The following DCC variants were observed in gnomAD, a reference collection of about 807,000 sequenced individuals.
DCC encodes the protein DCC netrin 1 receptor.
In DCC, 58 loss-of-function variants were observed where a neutral mutation model predicts 172.5. The ratio of observed to expected loss-of-function variants is 0.34; its 90% CI spans 0.27 to 0.42. The LOEUF is 0.42. Among genes scored for constraint, DCC ranks in the 10% least tolerant of loss-of-function variants. The pLI is 1.00. For synonymous variants in DCC, 709 were observed against 644.5 expected (o/e 1.10, Z -1.52); for missense variants, 1,740 against 1,791.0 (o/e 0.97, Z 0.51).
At chr18:52,864,366 C>T (rs1222469700) in intron 2 of DCC, among the ~76,000 whole-genome samples, 2 of 152,120 alleles carry the variant, frequency 1.3e-5, no homozygotes, top group African/African-American at 2.4e-5. Flanking sequence ...AAGAATTTAT[C>T]ACAGTATTTT....
chr18:52,894,373 G>A (rs549727034), intron 2 of DCC, among the ~76,000 whole-genome samples: 1 of 148,956 alleles, frequency 6.7e-6, no homozygotes, highest in Admixed American at 6.9e-5. Context: ...GACTGACTCT[G>A]GATTCCCCAG....
chr18:53,017,172 T>C (rs1379237331), intron 5 of DCC, among the ~76,000 whole-genome samples: 2 of 150,714 alleles, frequency 1.3e-5, no homozygotes, highest in African/African-American at 4.9e-5. Flanking sequence ...GCCTCCCGGG[T>C]TCACGCCATT....
intron 15 of DCC, among the ~76,000 whole-genome samples, chr18:53,380,890 CT>C (rs1907677361): frequency 6.6e-6 from 1 of 152,136 alleles, no homozygotes; most frequent in Non-Finnish European, 1.5e-5. Flanking sequence ...TAAGGTTGAT[CT>C]TCTCTAAGAT....
At chr18:53,338,272 C>A (rs1015573196) in intron 14 of DCC, among the ~76,000 whole-genome samples, 1 of 152,132 alleles carries the variant, frequency 6.6e-6, no homozygotes, top group African/African-American at 2.4e-5. Flanking sequence ...TTACAGGCAC[C>A]TAGGCTCACA....
intron 11 of DCC, among the ~76,000 whole-genome samples, chr18:53,211,710 C>T (rs574550127): frequency 2.2e-4 from 34 of 151,378 alleles, no homozygotes; most frequent in Non-Finnish European, 4.9e-4. Context: ...GGTGACAGAG[C>T]GAGACTCTGT....
chr18:52,508,344 C>T (rs2031313115), intron 1 of DCC, among the ~76,000 whole-genome samples: 2 of 152,014 alleles, frequency 1.3e-5, no homozygotes, highest in Admixed American at 6.6e-5. Context: ...ACAAACATAC[C>T]TAATTCTCCA....
intron 2 of DCC, among the ~76,000 whole-genome samples, 169 bp downstream of exon 2, chr18:52,752,543 A>T (rs2037014695): frequency 6.6e-6 from 1 of 152,184 alleles, no homozygotes; most frequent in Non-Finnish European, 1.5e-5. Context: ...TCATGTTTTG[A>T]TGTATGTATA....
chr18:52,647,877 G>A (rs941746729), intron 1 of DCC, among the ~76,000 whole-genome samples: 7 of 152,148 alleles, frequency 4.6e-5, no homozygotes, highest in South Asian at 4.1e-4. Flanking sequence ...GCTGGGAAAA[G>A]GGGGAACACG....
chr18:53,369,745 C>T (rs6508231), intron 15 of DCC, among the ~76,000 whole-genome samples: 71,874 of 151,618 alleles, frequency 0.47, 17,728 homozygotes, highest in Non-Finnish European at 0.54. Context: ...TTTTTCTTCA[C>T]TTTATTAGTC....
intron 1 of DCC, among the ~76,000 whole-genome samples, chr18:52,496,536 A>G (rs532226704): frequency 6.6e-6 from 1 of 152,232 alleles, no homozygotes; most frequent in East Asian, 1.9e-4. Context: ...TTAAACCTAG[A>G]CAGTTGCACA....
chr18:53,287,656 A>G (rs904453691), intron 12 of DCC, among the ~76,000 whole-genome samples: 2 of 152,130 alleles, frequency 1.3e-5, no homozygotes, highest in African/African-American at 4.8e-5. Context: ...TTTTTTTCAC[A>G]TCCTTGCCAA....
At chr18:52,833,697 T>G (rs1290785169) in intron 2 of DCC, among the ~76,000 whole-genome samples, 1 of 152,162 alleles carries the variant, frequency 6.6e-6, no homozygotes, top group Non-Finnish European at 1.5e-5. Context: ...GAAATGGACT[T>G]CAAACTGTTT....
At position 53,416,236 on chromosome 18, in the gene DCC, C is replaced by G. The variant is rs1040049218; in HGVS notation, c.3163+80C>G. ...ACATGTCAGTCATTACTTTATATTC[C>G]TCTTTTCACCTGGACCATACACCTG... is the stretch of plus-strand genomic sequence containing the variant. On this transcript the variant is annotated intron_variant, in intron 21 of 28. Transcript: ENST00000442544. 7 of 962,916 alleles carry G rather than the reference C, an allele frequency of 7.3e-6. 1 individual carries two copies. Among genetic ancestry groups the G allele is most frequent in the East Asian group, 2.4e-5 (1 of 41,258 alleles). The allele number at this position is 962,916 out of a possible 1,614,324, so 59.6% of individuals were successfully genotyped here.
At chr18:52,759,944 T>C (rs2037132758) in intron 2 of DCC, among the ~76,000 whole-genome samples, 1 of 152,146 alleles carries the variant, frequency 6.6e-6, no homozygotes, top group Non-Finnish European at 1.5e-5. Flanking sequence ...TGGAAAAACA[T>C]GATTGGACAG....
At chr18:52,827,609 A>G (rs1052887566) in intron 2 of DCC, among the ~76,000 whole-genome samples, 2 of 152,232 alleles carry the variant, frequency 1.3e-5, no homozygotes, top group African/African-American at 2.4e-5. Flanking sequence ...TAAATTCTCT[A>G]TCAATTGGTA....
chr18:52,387,907 G>T (rs961909852), intron 1 of DCC, among the ~76,000 whole-genome samples: 18 of 152,018 alleles, frequency 1.2e-4, no homozygotes, highest in Non-Finnish European at 2.2e-4. Context: ...AAAGTAAAAA[G>T]TAAATGTTTT....
intron 2 of DCC, among the ~76,000 whole-genome samples, chr18:52,869,748 C>T (rs556901343): frequency 1.3e-5 from 2 of 152,336 alleles, no homozygotes; most frequent in South Asian, 4.1e-4. Context: ...CAGCACTGCC[C>T]TGAGTGTATG....
At chr18:53,159,852 T>G (rs1477623864) in intron 8 of DCC, among the ~76,000 whole-genome samples, 2 of 152,194 alleles carry the variant, frequency 1.3e-5, no homozygotes, top group African/African-American at 4.8e-5. Context: ...AAAAGGAAGA[T>G]AAATTCTACC....
intron 1 of DCC, among the ~76,000 whole-genome samples, chr18:52,492,747 G>A (rs895363158): frequency 6.6e-6 from 1 of 152,040 alleles, no homozygotes; most frequent in East Asian, 1.9e-4. Context: ...CTCCAGAAAT[G>A]TTCAGCTACT....
Sources: gnomAD v4.1 joint callset for allele counts (sites outside exome capture counted in the v4.1 genomes callset) on GRCh38, gnomAD v4.1.1 for gene constraint, MANE v1.5 for transcripts, NCBI Gene and HGNC (gene_info 2026-07-23, HGNC 2026-07-21) for gene names.